PFKFB1: variants seen among roughly 807,000 people sequenced by gnomAD.
PFKFB1 encodes 6-phosphofructo-2-kinase/fructose-2,6-biphosphatase 1.
Under a neutral mutation model 46.4 loss-of-function variants are expected in PFKFB1, and 34 were observed. That is an observed-to-expected ratio of 0.73 (90% CI 0.56 to 0.98). PFKFB1 has a LOEUF of 0.98. PFKFB1 is among the 50% of genes least tolerant of loss of function. PFKFB1 has a pLI of 0.00. For missense variants in PFKFB1, 393 were observed against 376.3 expected (o/e 1.04, Z -0.37); for synonymous variants, 119 against 133.8 (o/e 0.89, Z 0.76).
chrX:54,973,319 G>A (rs1287161982), intron 1 of PFKFB1, among the ~76,000 whole-genome samples: 2 of 111,197 alleles, frequency 1.8e-5, no homozygotes, highest in African/African-American at 6.5e-5. Flanking sequence ...TTTTTGAAGG[G>A]TTTTTTGTGT....
At chrX:54,958,951 T>C in intron 4 of PFKFB1, 26 bp from the exon 5 acceptor site, 1 of 1,007,827 alleles carries the variant, frequency 9.9e-7, no homozygotes, top group South Asian at 1.9e-5. Flanking sequence ...GAGATTGGCT[T>C]ACTCTGAATC....
At chrX:54,940,318 T>C (rs959411659) in intron 10 of PFKFB1, among the ~76,000 whole-genome samples, 3 of 111,615 alleles carry the variant, frequency 2.7e-5, no homozygotes, top group African/African-American at 9.8e-5. Context: ...AGCATTCCCT[T>C]TGAAAACTGG....
chrX:54,991,182 C>A (rs1454681407), intron 1 of PFKFB1, among the ~76,000 whole-genome samples: 3 of 111,268 alleles, frequency 2.7e-5, no homozygotes, highest in Non-Finnish European at 3.8e-5. Flanking sequence ...TATCAAAACT[C>A]ATAAGAAAGT....
intron 7 of PFKFB1, among the ~76,000 whole-genome samples, chrX:54,953,466 T>G (rs1389392358): frequency 9.0e-6 from 1 of 111,601 alleles, no homozygotes; most frequent in African/African-American, 3.3e-5. Context: ...TGAATCCTCA[T>G]AATATTGCTA....
chrX:54,993,575 G>C (rs900771313), intron 1 of PFKFB1, among the ~76,000 whole-genome samples: 2 of 111,921 alleles, frequency 1.8e-5, no homozygotes, highest in Non-Finnish European at 3.8e-5. Context: ...AAACATACTA[G>C]GCTATCACTG....
At chrX:54,974,075 A>G (rs753251006) in intron 1 of PFKFB1, among the ~76,000 whole-genome samples, 1 of 111,630 alleles carries the variant, frequency 9.0e-6, no homozygotes, top group Admixed American at 9.5e-5. Flanking sequence ...CACAATACCA[A>G]TAAAAACCCT....
chrX:54,949,352 A>G (rs143124713), intron 8 of PFKFB1, 131 bp from the exon 9 acceptor site: 5,829 of 476,385 alleles, frequency 0.012, 35 homozygotes, highest in Middle Eastern at 0.034. Context: ...AAGAGTTTAA[A>G]TGTTCCAAAC....
At position 54,962,864 on chromosome X, in the gene PFKFB1, C is replaced by G. The variant is rs190504159; in HGVS notation, c.223+393G>C. Among the ~76,000 whole-genome samples, 6 of 111,867 alleles carry G rather than the reference C, an allele frequency of 5.4e-5. No homozygotes were observed. The Admixed American group carries it at 5.7e-4, about 11-fold the overall frequency. ...TGCCTTTAGACAAGGCACTTCACTC[C>G]TTGGGCCTTAATTTCCTCAGCTATG... On this transcript the variant is annotated intron_variant, in intron 2 of 13. Transcript: ENST00000375006.
At chrX:54,998,096 T>C (rs1935382789), upstream of PFKFB1, among the ~76,000 whole-genome samples, 1 of 111,862 alleles carries the variant, frequency 8.9e-6, no homozygotes, top group Non-Finnish European at 1.9e-5. Flanking sequence ...TACACATCAG[T>C]GGGGAGGTAA....
intron 10 of PFKFB1, among the ~76,000 whole-genome samples, chrX:54,938,766 A>G (rs1485778813): frequency 9.0e-6 from 1 of 111,453 alleles, no homozygotes; most frequent in Non-Finnish European, 1.9e-5. Context: ...CTACAAAGAG[A>G]CTTAGACTCC....
At chrX:54,992,256 C>T (rs995863691) in intron 1 of PFKFB1, among the ~76,000 whole-genome samples, 5 of 111,616 alleles carry the variant, frequency 4.5e-5, no homozygotes, top group African/African-American at 1.3e-4. Context: ...ACCACACACC[C>T]GCTTTCTTGT....
chrX:54,947,253 C>T (rs1467873875), intron 9 of PFKFB1, among the ~76,000 whole-genome samples: 3 of 111,728 alleles, frequency 2.7e-5, no homozygotes, highest in Admixed American at 9.5e-5. Flanking sequence ...AGTCTATGCA[C>T]CCATAGTCTT....
chrX:54,945,542 C>T lies in PFKFB1; in HGVS notation c.995G>A (p.Gly332Asp). 4 of 1,138,650 alleles carry T rather than the reference C, an allele frequency of 3.5e-6. No homozygotes were observed. Among genetic ancestry groups the T allele is most frequent in the Non-Finnish European group, 4.8e-6 (4 of 835,895 alleles). 93.8% of individuals were successfully genotyped at this position (1,138,650 alleles called of 1,213,427 possible). A position where few individuals can be genotyped will look rare whatever the true frequency, so the allele number is the denominator to read the frequency against. Residue 332 changes from glycine to aspartate, a missense_variant and splice_region_variant, in exon 10 of 14, where the codon GGT becomes GAT. By Grantham distance (94) the Gly-to-Asp change is moderately conservative. Coordinates refer to ENST00000375006, the MANE Select transcript of PFKFB1 (RefSeq NM_002625.4). Reference protein sequence around the residue: ...QWKALNEIDAGVCEEMTYEEI... With the variant: ...QWKALNEIDADVCEEMTYEEI... ...TTCATAGGTCATCTCCTCACAGACA[C>T]CCTGAGAAAAAGTATTTGGGGGCGA...
chrX:54,937,868 A>C, intron 10 of PFKFB1, 144 bp from the exon 11 acceptor site: 1 of 471,636 alleles, frequency 2.1e-6, no homozygotes, highest in Non-Finnish European at 3.5e-6. Context: ...TAGGCAACTC[A>C]CTTCCTTCTT....
chrX:54,937,483 C>T, intron 11 of PFKFB1, 112 bp downstream of exon 11: 1 of 665,829 alleles, frequency 1.5e-6, no homozygotes, highest in African/African-American at 2.2e-5. Context: ...TGAACCTAGG[C>T]ATCCTTGTTC....
chrX:54,986,610 C>G (rs1055763573), intron 1 of PFKFB1, among the ~76,000 whole-genome samples: 2 of 111,856 alleles, frequency 1.8e-5, no homozygotes, highest in Non-Finnish European at 3.8e-5. Context: ...CAAGACCACT[C>G]TTTCAATAAT....
upstream of PFKFB1, among the ~76,000 whole-genome samples, chrX:54,997,146 T>C (rs2146701307): frequency 8.9e-6 from 1 of 112,194 alleles, no homozygotes; most frequent in East Asian, 2.8e-4. Flanking sequence ...TGAGATGAAC[T>C]TGTGGACAAC....
At chrX:54,988,589 T>G (rs183096160) in intron 1 of PFKFB1, among the ~76,000 whole-genome samples, 162 of 111,693 alleles carry the variant, frequency 1.5e-3, no homozygotes, top group Middle Eastern at 9.3e-3. Flanking sequence ...AAAATTACAA[T>G]TAAACTACAA....
At chrX:54,937,793 T>G (rs772196787) in intron 10 of PFKFB1, 69 bp from the exon 11 acceptor site, 1 of 1,007,823 alleles carries the variant, frequency 9.9e-7, no homozygotes, top group African/African-American at 1.9e-5. Context: ...GGAAGAACTC[T>G]AAACTAGGAA....
Sources: gnomAD v4.1 joint callset for allele counts (sites outside exome capture counted in the v4.1 genomes callset) on GRCh38, gnomAD v4.1.1 for gene constraint, MANE v1.5 for transcripts, NCBI Gene and HGNC (gene_info 2026-07-23, HGNC 2026-07-21) for gene names.